The following YJU2B variants were observed in gnomAD, a reference collection of about 807,000 sequenced individuals.
The protein encoded by YJU2B is probable splicing factor YJU2B.
Under a neutral mutation model 38.0 loss-of-function variants are expected in YJU2B, and 18 were observed. The observed-to-expected ratio is 0.47, with a 90% confidence interval of 0.33 to 0.70. YJU2B has a LOEUF of 0.70. Ranked by LOEUF, YJU2B falls within the 30% of genes least tolerant of loss-of-function variation. YJU2B has a pLI of 0.02. For missense variants in YJU2B, 538 were observed against 556.3 expected (o/e 0.97, Z 0.33); for synonymous variants, 246 against 225.4 (o/e 1.09, Z -0.82).
At chr19:13,755,665 T>G (rs1459193044) in intron 3 of YJU2B, among the ~76,000 whole-genome samples, 1 of 151,004 alleles carries the variant, frequency 6.6e-6, no homozygotes, top group Non-Finnish European at 1.5e-5. Context: ...AGCTCATAAA[T>G]GGGAACAGGG....
chr19:13,738,533 C>T lies in YJU2B; in HGVS notation c.-202+6248C>T, dbSNP rs139056870. ...TAGCACTTTAGAAGGCCAAGGCGGG[C>T]GGATCACTTGAGATCAGGAGTTCAA... On this transcript the variant is annotated intron_variant, in intron 2 of 10. Coordinates refer to the YJU2B transcript ENST00000586600. Among the ~76,000 whole-genome samples the T allele has an allele frequency of 4.1e-3, 629 of 152,210 alleles. 3 individuals are homozygous for T. The highest frequency in any genetic ancestry group is 0.014 in the African/African-American group (585 of 41,550).
chr19:13,738,892 CAAA>C (rs527948929), intron 2 of YJU2B, among the ~76,000 whole-genome samples: 5 of 55,438 alleles, frequency 9.0e-5, no homozygotes, highest in Admixed American at 2.2e-4. Flanking sequence ...GACTCTGTCT[CAAA>C]AAAAAAAAAA....
At chr19:13,752,114 C>G (rs1279833156) in intron 2 of YJU2B, among the ~76,000 whole-genome samples, 1 of 152,056 alleles carries the variant, frequency 6.6e-6, no homozygotes, top group Non-Finnish European at 1.5e-5. Flanking sequence ...GCAAGCACGT[C>G]CCACTAATTT....
intron 2 of YJU2B, among the ~76,000 whole-genome samples, chr19:13,733,070 C>T (rs886992487): frequency 1.6e-4 from 25 of 151,802 alleles, no homozygotes; most frequent in African/African-American, 6.0e-4. Context: ...GCTGGGACTA[C>T]AGGTGCCCGC....
rs917573358 is a variant in YJU2B, at chr19:13,733,180, C to A, written c.-202+895C>A. Among the ~76,000 whole-genome samples the A allele has an allele frequency of 7.9e-5, 12 of 151,930 alleles. No individual in the cohort carries two copies. The South Asian group carries it at 2.3e-3, about 29-fold the overall frequency. The stretch of plus-strand genomic sequence containing the variant: ...TCCTGACCTCGTGATCCACCTGTCT[C>A]GGCCTCCCAAAGTGCTGGGATTACA... On this transcript the variant is annotated intron_variant, in intron 2 of 10. Coordinates refer to the YJU2B transcript ENST00000586600.
upstream of YJU2B, among the ~76,000 whole-genome samples, chr19:13,743,779 G>A (rs1973157822): frequency 6.6e-6 from 1 of 150,598 alleles, no homozygotes; most frequent in Non-Finnish European, 1.5e-5. Context: ...TGTGATCCTC[G>A]CTACTCGGGA....
intron 2 of YJU2B, among the ~76,000 whole-genome samples, chr19:13,752,522 T>A (rs925622688): frequency 2.0e-5 from 3 of 152,050 alleles, no homozygotes; most frequent in African/African-American, 7.2e-5. Context: ...GCTGGGTGGA[T>A]CACCTGAGGT....
chr19:13,757,581 G>T, intron 5 of YJU2B, 108 bp downstream of exon 5: 2 of 1,174,042 alleles, frequency 1.7e-6, no homozygotes, highest in South Asian at 2.5e-5. Flanking sequence ...TGAGGGAGGA[G>T]ACGGGCACCC....
intron 1 of YJU2B, among the ~76,000 whole-genome samples, chr19:13,751,204 TAA>T (rs952764800): frequency 6.6e-6 from 1 of 151,888 alleles, no homozygotes; most frequent in African/African-American, 2.4e-5. Context: ...GATCATGAGG[TAA>T]AGAGATCAAG....
At chr19:13,744,027 C>T (rs899519857), upstream of YJU2B, among the ~76,000 whole-genome samples, 67 of 151,998 alleles carry the variant, frequency 4.4e-4, no homozygotes, top group Admixed American at 3.1e-3. Context: ...CTCGTCTCTA[C>T]TATAGATACA....
intron 2 of YJU2B, among the ~76,000 whole-genome samples, chr19:13,752,726 G>A (rs1342824044): frequency 1.3e-5 from 2 of 151,592 alleles, no homozygotes; most frequent in Non-Finnish European, 2.9e-5. Context: ...CCTGGGCAAC[G>A]AAAGCGAAAC....
intron 4 of YJU2B, 32 bp from the exon 5 acceptor site, chr19:13,757,386 A>G (rs1973706453): frequency 4.4e-6 from 7 of 1,605,876 alleles, no homozygotes; most frequent in Non-Finnish European, 6.0e-6. Context: ...CCAAGTGGAC[A>G]AGTGCAAGTA....
At chr19:13,754,167 A>G in intron 2 of YJU2B, 122 bp from the exon 3 acceptor site, 16 of 730,666 alleles carry the variant, frequency 2.2e-5, no homozygotes, top group South Asian at 2.1e-4. Flanking sequence ...GCAAGACTCC[A>G]TCTCTAAAAA....
intron 1 of YJU2B, among the ~76,000 whole-genome samples, chr19:13,751,295 G>A (rs535936816): frequency 2.6e-5 from 4 of 152,136 alleles, no homozygotes; most frequent in East Asian, 3.9e-4. Context: ...CACGCTTGTA[G>A]TCCCAGCTAC....
rs1286658449 is a variant in YJU2B at position 13,751,083 on chromosome 19, A to G, written c.-201-525A>G. On this transcript the variant is annotated intron_variant, in intron 1 of 9. Transcript: ENST00000221554. ...CTTGATTCTAAAAACCATATGAATC[A>G]TGGGAGGGGTTTAAGCAGGAGAGTG... Among the ~76,000 whole-genome samples the G allele has an allele frequency of 2.0e-5, 3 of 152,210 alleles. No individual in the cohort carries two copies. In the East Asian group the frequency reaches 5.8e-4, roughly 30 times the overall value.
At chr19:13,741,819 T>C (rs1973103026) in intron 2 of YJU2B, among the ~76,000 whole-genome samples, 1 of 152,100 alleles carries the variant, frequency 6.6e-6, no homozygotes, top group South Asian at 2.1e-4. Context: ...TAACTTTCTC[T>C]TGTTTCTCCC....
At chr19:13,736,442 TAG>T (rs1434395927) in intron 2 of YJU2B, among the ~76,000 whole-genome samples, 2 of 151,690 alleles carry the variant, frequency 1.3e-5, no homozygotes, top group Non-Finnish European at 2.9e-5. Context: ...TATTTTTTAG[TAG>T]AGACAGTTTT....
rs1973952613 is a variant in YJU2B at position 13,762,804 on chromosome 19, T to A, written c.927T>A (p.His309Gln). The A allele has an allele frequency of 6.2e-7, 1 of 1,602,912 alleles. No individual in the cohort carries two copies. Among genetic ancestry groups the A allele is most frequent in the Non-Finnish European group, 8.5e-7 (1 of 1,175,810 alleles). ...GGGACGTCCCGGAGAGCCCCCAGCA[T>A]GCGGCCGACACCCCCAAGTCTGGGG... ...RSRDVPESPQ[H>Q]AADTPKSGEP... Residue 309 changes from histidine (H) to glutamine (Q), a missense_variant, in exon 10 of 10, where the codon CAT becomes CAA. This residue lies in a region of YJU2B where 488 missense variants were observed against 469.5 expected (regional missense o/e 1.04). Transcript: ENST00000221554.
intron 2 of YJU2B, among the ~76,000 whole-genome samples, chr19:13,742,221 A>G (rs1973112043): frequency 6.6e-6 from 1 of 150,758 alleles, no homozygotes; most frequent in Admixed American, 6.6e-5. Flanking sequence ...AAAACTGCCT[A>G]CATTCCCCAT....
Sources: gnomAD v4.1 joint callset for allele counts (sites outside exome capture counted in the v4.1 genomes callset) on GRCh38, gnomAD v4.1.1 for gene constraint, gnomAD v4.1.1 regional missense constraint, MANE v1.5 for transcripts, NCBI Gene and HGNC (gene_info 2026-07-23, HGNC 2026-07-21) for gene names.